NUP205: variants seen among roughly 807,000 people sequenced by gnomAD.
NUP205 encodes nuclear pore complex protein Nup205.
Under a neutral mutation model 253.8 loss-of-function variants are expected in NUP205, and 76 were observed. The observed-to-expected ratio is 0.30, with a 90% confidence interval of 0.25 to 0.36. The LOEUF (loss-of-function observed/expected upper bound fraction) is 0.36. NUP205 is among the 10% of genes least tolerant of loss of function. The probability of loss-of-function intolerance (pLI) is 1.00; values close to 1 mark genes in which losing one functional copy is unlikely to be tolerated. For missense variants in NUP205, 2,162 were observed against 2,425.5 expected, an observed-to-expected ratio of 0.89 and a Z score of 2.28; for synonymous variants, 832 against 850.1, an observed-to-expected ratio of 0.98 and a Z score of 0.37.
chr7:135,642,672 C>T (rs1394507563), intron 38 of NUP205, among the ~76,000 whole-genome samples: 1 of 152,158 alleles, frequency 6.6e-6, no homozygotes, highest in Non-Finnish European at 1.5e-5. Context: ...TTGAATATTT[C>T]AGTTACTATT....
chr7:135,636,018 G>A (rs1002515957), intron 36 of NUP205, among the ~76,000 whole-genome samples: 1 of 151,606 alleles, frequency 6.6e-6, no homozygotes, highest in Non-Finnish European at 1.5e-5. Flanking sequence ...TGTCATTTGT[G>A]AATAAGCCAC....
chr7:135,603,382 G>C (rs1032311416), intron 18 of NUP205, among the ~76,000 whole-genome samples: 21 of 151,454 alleles, frequency 1.4e-4, no homozygotes, highest in Non-Finnish European at 2.1e-4. Flanking sequence ...CAAAGTGCTG[G>C]GATTATAGGC....
chr7:135,647,381 A>G lies in NUP205; in HGVS notation c.5887-1023A>G, dbSNP rs1014981643. ...TGGATATCATGAATACCACGCTCCC[A>G]TCCCAATCCAGACTACATTCGCCCC... On this transcript the variant is annotated intron_variant, in intron 42 of 42. Coordinates refer to ENST00000285968, the MANE Select transcript of NUP205 (RefSeq NM_015135.3). 1.1e-4 allele frequency among the ~76,000 whole-genome samples: 17 copies of G among 152,236 alleles called. 1 individual carries two copies. The highest frequency in any genetic ancestry group is 2.4e-4 in the Non-Finnish European group (16 of 68,042).
chr7:135,605,943 T>G (rs1794078015), intron 19 of NUP205, among the ~76,000 whole-genome samples: 1 of 152,124 alleles, frequency 6.6e-6, no homozygotes, highest in Non-Finnish European at 1.5e-5. Flanking sequence ...AACTTTTGTT[T>G]CTTTAATTAT....
chr7:135,598,309 A>G lies in NUP205; in HGVS notation c.2274+102A>G, dbSNP rs995370845. ...TTCATGTTAGCTTTTGAAAGGTAGT[A>G]AAATTCACAGTCTTTGTTTTGAAAT... On this transcript the variant is annotated intron_variant, in intron 15 of 42. Transcript: ENST00000285968. 5.9e-6 allele frequency: 6 copies of G among 1,019,244 alleles called. No homozygotes were observed. The African/African-American group carries it at 8.1e-5, about 14-fold the overall frequency. 63.1% of individuals were successfully genotyped at this position (1,019,244 alleles called of 1,614,324 possible).
intron 1 of NUP205, among the ~76,000 whole-genome samples, chr7:135,569,293 A>T (rs1281095418): frequency 2.0e-5 from 3 of 152,046 alleles, no homozygotes; most frequent in African/African-American, 4.8e-5. Flanking sequence ...GGCTGGTCTC[A>T]AACTCCTGAC....
intron 3 of NUP205, among the ~76,000 whole-genome samples, chr7:135,575,633 A>G (rs1337658479): frequency 6.6e-6 from 1 of 152,182 alleles, no homozygotes; most frequent in African/African-American, 2.4e-5. Flanking sequence ...CATCGCTACT[A>G]AAAATACAAA....
intron 18 of NUP205, among the ~76,000 whole-genome samples, chr7:135,603,762 A>G (rs1345143223): frequency 6.6e-6 from 1 of 152,112 alleles, no homozygotes; most frequent in Non-Finnish European, 1.5e-5. Flanking sequence ...CGCCCAGCTC[A>G]GCCTCCCAAA....
chr7:135,632,898 A>G (rs146957481), intron 35 of NUP205, among the ~76,000 whole-genome samples: 388 of 151,860 alleles, frequency 2.6e-3, no homozygotes, highest in African/African-American at 8.7e-3. Context: ...CATCCTTTTT[A>G]ATTGACTGCC....
chr7:135,598,341 G>T, intron 15 of NUP205, 134 bp downstream of exon 15: 1 of 799,870 alleles, frequency 1.3e-6, no homozygotes, highest in Non-Finnish European at 2.0e-6. Context: ...AAATATCTAT[G>T]AAGTGGTCTG....
chr7:135,614,017 T>C, intron 22 of NUP205, 142 bp from the exon 23 acceptor site: 1 of 524,348 alleles, frequency 1.9e-6, no homozygotes, highest in Non-Finnish European at 3.4e-6. Flanking sequence ...GCTTATGTTT[T>C]GTGCATCTGT....
chr7:135,567,598 G>A (rs1242840056), intron 1 of NUP205, among the ~76,000 whole-genome samples: 1 of 151,604 alleles, frequency 6.6e-6, no homozygotes, highest in East Asian at 1.9e-4. Context: ...GTGACAAAGT[G>A]AGACCCTGTC....
chr7:135,635,396 G>A (rs1438148005), intron 35 of NUP205, 185 bp from the exon 36 acceptor site: 5 of 381,086 alleles, frequency 1.3e-5, no homozygotes, highest in Non-Finnish European at 2.4e-5. Context: ...CGCATGTACC[G>A]GTGCTGTTAT....
chr7:135,570,239 G>GT (rs1805918872), intron 1 of NUP205, among the ~76,000 whole-genome samples: 1 of 151,544 alleles, frequency 6.6e-6, no homozygotes, highest in African/African-American at 2.4e-5. Flanking sequence ...TTGAGATGGG[G>GT]TTTTGATCCT....
chr7:135,610,697 C>T (rs73725188), intron 22 of NUP205, among the ~76,000 whole-genome samples: 1 of 152,140 alleles, frequency 6.6e-6, no homozygotes, highest in Admixed American at 6.5e-5. Context: ...ACTCCCTATA[C>T]CTATATGTTT....
chr7:135,627,746 A>T (rs1207757771), intron 33 of NUP205, among the ~76,000 whole-genome samples: 1 of 152,202 alleles, frequency 6.6e-6, no homozygotes, highest in Non-Finnish European at 1.5e-5. Context: ...GTTTTCCTCG[A>T]TAAGATTTTT....
Position 135,638,021 on chromosome 7 carries a change from G to T in NUP205, c.5227G>T (p.Val1743Leu). Reference sequence around the variant, plus strand: ...AGACGATAATGTGGAGGGAGATAAAGTAAGCAAGAAAGATGAGATTGAACT... The same window carrying T: ...AGACGATAATGTGGAGGGAGATAAATTAAGCAAGAAAGATGAGATTGAACT... ...FQDDNVEGDK[V>L]SKKDEIELAM... The change falls in exon 37 of 43, where the codon GTA becomes TTA. Residue 1743 changes from valine to leucine, a missense_variant. Val to Leu is a conservative substitution (Grantham distance 32). This residue lies in a region of NUP205 where 1,144 missense variants were observed against 1,280.9 expected (regional missense o/e 0.89). Transcript: ENST00000285968. 1.2e-6 allele frequency: 2 copies of T among 1,614,120 alleles called. No individual in the cohort carries two copies. The highest frequency in any genetic ancestry group is 1.7e-6 in the Non-Finnish European group (2 of 1,179,966).
intron 41 of NUP205, 108 bp downstream of exon 41, chr7:135,645,704 G>A: frequency 9.1e-7 from 1 of 1,095,982 alleles, no homozygotes; most frequent in Non-Finnish European, 1.3e-6. Flanking sequence ...GAGTGAATTG[G>A]GTGAATCAAG....
At chr7:135,642,426 A>G (rs1220526103) in intron 38 of NUP205, among the ~76,000 whole-genome samples, 1 of 151,710 alleles carries the variant, frequency 6.6e-6, no homozygotes, top group African/African-American at 2.4e-5. Context: ...GCCTCAAGCC[A>G]TTCTCTCTCC....
Sources: allele counts gnomAD v4.1 joint callset (sites outside exome capture counted in the v4.1 genomes callset), GRCh38; gene constraint gnomAD v4.1.1; regional missense constraint gnomAD v4.1.1; transcripts MANE v1.5; gene names NCBI Gene and HGNC (gene_info 2026-07-23, HGNC 2026-07-21).